Variants in FANCB observed in about 807,000 individuals in gnomAD.
The protein encoded by FANCB is FA complementation group B, also known as Fanconi anemia group B protein.
FANCB carries 5 observed loss-of-function variants against 38.9 expected under a neutral mutation model. That is an observed-to-expected ratio of 0.13 (90% CI 0.07 to 0.27). FANCB has a LOEUF of 0.27. FANCB is among the 10% of genes least tolerant of loss of function. The pLI, the probability that FANCB is intolerant of heterozygous loss-of-function variation, is 1.00. For missense variants in FANCB, 573 were observed against 602.7 expected, an observed-to-expected ratio of 0.95 and a Z score of 0.52; for synonymous variants, 236 against 215.4, an observed-to-expected ratio of 1.10 and a Z score of -0.84.
the FANCB span, among the ~76,000 whole-genome samples, chrX:14,808,045 A>G: frequency 1.8e-5 from 2 of 111,867 alleles, no homozygotes; most frequent in Non-Finnish European, 3.8e-5. Context: ...GAACAGATCA[A>G]TAAAGTAACA....
At chrX:14,700,607 T>C in the FANCB span, among the ~76,000 whole-genome samples, 5 of 111,656 alleles carry the variant, frequency 4.5e-5, no homozygotes, top group Admixed American at 2.8e-4. Context: ...TCAGAGGACA[T>C]TGGTAACCTC....
At chrX:14,754,229 G>A in the FANCB span, among the ~76,000 whole-genome samples, 2 of 112,480 alleles carry the variant, frequency 1.8e-5, no homozygotes, top group African/African-American at 6.5e-5. Flanking sequence ...TACAATTGAA[G>A]ACATAAAAAC....
Position 14,864,582 on chromosome X carries a change from G to C in FANCB, c.929C>G (p.Ala310Gly), listed in dbSNP as rs752759773. ...VVSFISNNAC[A>G]VWKESFQVAA... ...TACCTGAAAGCTCTCTTTCCATACA[G>C]CACAAGCATTATTGGATATAAAGGA... The change falls in exon 3 of 10, where the codon GCT (alanine) becomes GGT (glycine). Residue 310 changes from alanine to glycine, a missense_variant. Physicochemically the swap from Ala to Gly is moderately conservative, Grantham distance 60 (BLOSUM62 0). Transcript: ENST00000650831. The C allele has an allele frequency of 8.4e-7, 1 of 1,188,995 alleles. No homozygotes were observed. Among genetic ancestry groups the C allele is most frequent in the Admixed American group, 2.2e-5 (1 of 46,006 alleles).
chrX:14,707,328 C>A, the FANCB span, among the ~76,000 whole-genome samples: 1 of 111,558 alleles, frequency 9.0e-6, no homozygotes, highest in Non-Finnish European at 1.9e-5. Context: ...TCAGTTTCTT[C>A]ATCTGTAGAA....
At chrX:14,691,271 CTGTGTGTGTG>C in the FANCB span, among the ~76,000 whole-genome samples, 24,183 of 84,989 alleles carry the variant, frequency 0.28, 2,398 homozygotes, top group Non-Finnish European at 0.32. Context: ...TAAATATTGA[CTGTGTGTGTG>C]TGTGTGTGTG....
At chrX:14,868,853 T>C (rs1056170851) in intron 2 of FANCB, 70 bp downstream of exon 2, 1 of 111,799 alleles carries the variant, frequency 8.9e-6, no homozygotes, top group Non-Finnish European at 1.9e-5. Context: ...AATTGCACTC[T>C]CTAGATATAT....
chrX:14,791,491 G>T, the FANCB span, among the ~76,000 whole-genome samples: 2 of 111,924 alleles, frequency 1.8e-5, no homozygotes, highest in Non-Finnish European at 3.8e-5. Context: ...TTGCTGCTGA[G>T]TAAGTCACTC....
the FANCB span, among the ~76,000 whole-genome samples, chrX:14,724,157 T>C: frequency 8.9e-6 from 1 of 111,894 alleles, no homozygotes; most frequent in Non-Finnish European, 1.9e-5. Context: ...CGTATATGTA[T>C]ATGTGTGTAT....
chrX:14,709,112 G>A, the FANCB span, among the ~76,000 whole-genome samples: 1 of 111,359 alleles, frequency 9.0e-6, no homozygotes, highest in Admixed American at 9.5e-5. Context: ...GTGCATGCCT[G>A]TAATCCCTGC....
the FANCB span, among the ~76,000 whole-genome samples, chrX:14,737,661 A>G: frequency 8.9e-6 from 1 of 112,394 alleles, no homozygotes; most frequent in East Asian, 2.8e-4. Flanking sequence ...TCTAACACAT[A>G]TTAAATTCTC....
At chrX:14,856,173 T>C (rs1283925984) in intron 5 of FANCB, among the ~76,000 whole-genome samples, 1 of 112,151 alleles carries the variant, frequency 8.9e-6, no homozygotes, top group Non-Finnish European at 1.9e-5. Flanking sequence ...CTCCTAATGA[T>C]GTATGTTTAG....
At chrX:14,827,810 A>G in the FANCB span, among the ~76,000 whole-genome samples, 1 of 112,027 alleles carries the variant, frequency 8.9e-6, no homozygotes, top group African/African-American at 3.2e-5. Flanking sequence ...GTTTTTAACT[A>G]ATGATGAGCA....
rs1285686361 is a variant in FANCB at position 14,850,293 on chromosome X, T to C, written c.1496+212A>G. ...TGATCCCAGGAGGTGGAGGTTGCAG[T>C]GAGCCGAGATCATCCCACTGCACTC... On this transcript the variant is annotated intron_variant, in intron 7 of 9. Coordinates refer to ENST00000650831, the MANE Select transcript of FANCB (RefSeq NM_001018113.3). Among the ~76,000 whole-genome samples the C allele has an allele frequency of 2.7e-5, 3 of 112,032 alleles. No homozygotes were observed. The East Asian group carries it at 8.4e-4, about 31-fold the overall frequency.
chrX:14,723,606 T>A, the FANCB span, among the ~76,000 whole-genome samples: 1 of 111,861 alleles, frequency 8.9e-6, no homozygotes, highest in Non-Finnish European at 1.9e-5. Context: ...GGGCCCTATA[T>A]GATGTAGCCC....
At chrX:14,846,894 G>A (rs1227375002) in intron 7 of FANCB, among the ~76,000 whole-genome samples, 2 of 109,458 alleles carry the variant, frequency 1.8e-5, no homozygotes, top group Non-Finnish European at 3.8e-5. Flanking sequence ...TAACAGTCAA[G>A]TCCAATTTAC....
At chrX:14,734,560 T>C in the FANCB span, among the ~76,000 whole-genome samples, 2 of 112,133 alleles carry the variant, frequency 1.8e-5, no homozygotes, top group Non-Finnish European at 3.8e-5. Context: ...CCCCACTCTC[T>C]TCTGGTTTGT....
At chrX:14,826,876 G>A in the FANCB span, among the ~76,000 whole-genome samples, 1 of 111,258 alleles carries the variant, frequency 9.0e-6, no homozygotes, top group African/African-American at 3.3e-5. Flanking sequence ...ATTATCCCTT[G>A]CTTTCATCTA....
chrX:14,759,413 T>C, the FANCB span, among the ~76,000 whole-genome samples: 7 of 111,432 alleles, frequency 6.3e-5, no homozygotes, highest in African/African-American at 1.3e-4. Flanking sequence ...CCTAGGCACA[T>C]AGTCATTAAG....
intron 5 of FANCB, 54 bp from the exon 6 acceptor site, chrX:14,853,221 G>A: frequency 9.4e-7 from 1 of 1,062,024 alleles, no homozygotes; most frequent in East Asian, 3.1e-5. Context: ...AATGAAACCA[G>A]ACATACCAAT....
Sources: gnomAD v4.1 joint callset for allele counts (sites outside exome capture counted in the v4.1 genomes callset) on GRCh38, gnomAD v4.1.1 for gene constraint, MANE v1.5 for transcripts, NCBI Gene and HGNC (gene_info 2026-07-23, HGNC 2026-07-21) for gene names.